MRPS9: variants seen among roughly 807,000 people sequenced by gnomAD.
MRPS9 encodes the protein small ribosomal subunit protein uS9m.
MRPS9 carries 45 observed loss-of-function variants against 59.9 expected under a neutral mutation model. The ratio of observed to expected loss-of-function variants is 0.75; its 90% CI spans 0.59 to 0.96. The LOEUF is 0.96. Ranked by LOEUF, MRPS9 falls within the 40% of genes least tolerant of loss-of-function variation. MRPS9 has a pLI of 0.00. For missense variants in MRPS9, 473 were observed against 481.1 expected, an observed-to-expected ratio of 0.98 and a Z score of 0.16; for synonymous variants, 171 against 166.8, an observed-to-expected ratio of 1.03 and a Z score of -0.19.
rs762478746 is a variant in MRPS9 at position 105,089,951 on chromosome 2, G to A, written c.607G>A (p.Glu203Lys). The A allele has an allele frequency of 2.5e-6, 4 of 1,610,836 alleles. No homozygotes were observed. Among genetic ancestry groups the A allele is most frequent in the South Asian group, 1.1e-5 (1 of 90,578 alleles). Residue 203 changes from glutamate (E) to lysine (K), a missense_variant, in exon 7 of 11, where the codon GAG becomes AAG. Coordinates refer to ENST00000258455, the MANE Select transcript of MRPS9 (RefSeq NM_182640.3). The stretch of plus-strand genomic sequence containing the variant: ...GATTGGCAGCAGATGGCTGATTAAG[G>A]AGGAACTAGAAGAAATGTTAGTGGA... ...DVIGSRWLIKEELEEMLVEKL... is the reference protein window; with the variant it reads ...DVIGSRWLIKKELEEMLVEKL...
intron 1 of MRPS9, chr2:105,038,467 T>A: frequency 1.9e-6 from 1 of 520,352 alleles, no homozygotes; most frequent in South Asian, 2.1e-5. Flanking sequence ...AAGGTAGAAG[T>A]GGAGCGACCT....
At chr2:105,083,175 G>C (rs1355207086) in intron 5 of MRPS9, among the ~76,000 whole-genome samples, 1 of 152,204 alleles carries the variant, frequency 6.6e-6, no homozygotes, top group Non-Finnish European at 1.5e-5. Flanking sequence ...TGAAACAATT[G>C]AGCAAAGGTG....
intron 1 of MRPS9, among the ~76,000 whole-genome samples, chr2:105,040,537 A>G (rs1679483251): frequency 6.6e-6 from 1 of 152,222 alleles, no homozygotes; most frequent in African/African-American, 2.4e-5. Context: ...ACACTGTTAC[A>G]ATAAGGAAAA....
intron 2 of MRPS9, among the ~76,000 whole-genome samples, chr2:105,067,354 G>A (rs762442799): frequency 6.6e-6 from 1 of 152,102 alleles, no homozygotes; most frequent in Non-Finnish European, 1.5e-5. Context: ...GACTTAGAAT[G>A]TATAAAGGAT....
chr2:105,042,667 TAAAC>T (rs1408795529), intron 1 of MRPS9, among the ~76,000 whole-genome samples: 3 of 152,240 alleles, frequency 2.0e-5, no homozygotes, highest in South Asian at 4.1e-4. Context: ...ATTATTAGCT[TAAAC>T]AAAACTGCAT....
chr2:105,046,395 T>G (rs749137024), intron 1 of MRPS9, among the ~76,000 whole-genome samples: 12 of 151,990 alleles, frequency 7.9e-5, no homozygotes, highest in African/African-American at 1.2e-4. Flanking sequence ...GTAGAAGACA[T>G]GTTTTTTGTC....
At chr2:105,065,359 G>C (rs893446411) in intron 2 of MRPS9, among the ~76,000 whole-genome samples, 1 of 152,160 alleles carries the variant, frequency 6.6e-6, no homozygotes, top group African/African-American at 2.4e-5. Flanking sequence ...ATTTACTTCA[G>C]TGTAAGCTAC....
chr2:105,091,076 A>AT (rs35752713), intron 7 of MRPS9, among the ~76,000 whole-genome samples: 45 of 151,434 alleles, frequency 3.0e-4, no homozygotes, highest in African/African-American at 8.3e-4. Flanking sequence ...GGCTGCTTTG[A>AT]TTTTTTTTTA....
intron 2 of MRPS9, among the ~76,000 whole-genome samples, chr2:105,051,826 TA>T (rs1411862754): frequency 6.6e-6 from 1 of 152,178 alleles, no homozygotes; most frequent in Non-Finnish European, 1.5e-5. Flanking sequence ...TATTTTATAA[TA>T]TTTTTGGGTT....
intron 5 of MRPS9, among the ~76,000 whole-genome samples, chr2:105,081,532 T>A (rs552126134): frequency 6.6e-6 from 1 of 152,338 alleles, no homozygotes; most frequent in African/African-American, 2.4e-5. Context: ...CATTTGCATT[T>A]GTTTTGGCTG....
At chr2:105,049,128 GTTTAA>G (rs768240389) in intron 1 of MRPS9, 38 bp from the exon 2 acceptor site, 15 of 1,299,134 alleles carry the variant, frequency 1.2e-5, no homozygotes, top group South Asian at 5.3e-5. Context: ...GAAGATCACA[GTTTAA>G]TTTATTTTCT....
chr2:105,071,379 G>A lies in MRPS9; in HGVS notation c.378+4G>A, dbSNP rs773766152. ...ACGAGCCAGGCCAGTAATGAAGGTA[G>A]TTATCTTAATTACTATTTTAAAAAT... On this transcript the variant is annotated splice_donor_region_variant and intron_variant, in intron 3 of 10. Transcript: ENST00000258455. The A allele has an allele frequency of 6.2e-7, 1 of 1,605,942 alleles. No individual in the cohort carries two copies. The highest frequency in any genetic ancestry group is 1.7e-5 in the Admixed American group (1 of 59,950).
At chr2:105,085,503 A>G (rs368124732) in intron 5 of MRPS9, among the ~76,000 whole-genome samples, 5 of 152,118 alleles carry the variant, frequency 3.3e-5, no homozygotes, top group African/African-American at 7.2e-5. Context: ...CTAAAATTGG[A>G]ATTTCCACAT....
chr2:105,067,600 T>A (rs1311581004), intron 2 of MRPS9, among the ~76,000 whole-genome samples: 3 of 152,206 alleles, frequency 2.0e-5, no homozygotes, highest in Admixed American at 6.5e-5. Context: ...GCTTTAGCAT[T>A]TGTTGGTGAT....
chr2:105,038,259 C>T, intron 1 of MRPS9, 32 bp downstream of exon 1: 2 of 1,593,144 alleles, frequency 1.3e-6, no homozygotes, highest in Non-Finnish European at 1.7e-6. Context: ...AGCGGCTTAC[C>T]TCTGCCGCGC....
intron 2 of MRPS9, among the ~76,000 whole-genome samples, chr2:105,059,543 A>G (rs967595305): frequency 2.0e-5 from 3 of 152,238 alleles, no homozygotes; most frequent in South Asian, 4.1e-4. Flanking sequence ...CTGAGTCCCA[A>G]TTGATACATA....
chr2:105,091,296 G>T (rs1316488854), intron 7 of MRPS9: 2 of 471,104 alleles, frequency 4.2e-6, no homozygotes, highest in Non-Finnish European at 8.8e-6. Flanking sequence ...GCAAGGCTGA[G>T]TTCCACCCAT....
chr2:105,092,407 C>T lies in MRPS9; in HGVS notation c.658C>T (p.Gln220Ter). The T allele has an allele frequency of 6.2e-7, 1 of 1,609,394 alleles. No homozygotes were observed. Among genetic ancestry groups the T allele is most frequent in the Non-Finnish European group, 8.5e-7 (1 of 1,178,666 alleles). ...VEKLSDLDYM[Q>*]FIRLLEKLLT... Reference sequence around the variant, plus strand: ...GAATTTTTATTGTCTGCAGTATATGCAGTTCATTCGGCTGCTAGAAAAGTT... The same window carrying T: ...GAATTTTTATTGTCTGCAGTATATGTAGTTCATTCGGCTGCTAGAAAAGTT... Residue 220 changes from glutamine to a stop codon, truncating the protein, a stop_gained, in exon 8 of 11, where the codon CAG (glutamine) becomes TAG (stop). Transcript: ENST00000258455. LOFTEE classifies it high-confidence loss of function.
At chr2:105,086,901 T>A (rs917611448) in intron 5 of MRPS9, among the ~76,000 whole-genome samples, 10 of 152,274 alleles carry the variant, frequency 6.6e-5, no homozygotes, top group African/African-American at 2.4e-4. Flanking sequence ...GTCCATTTCG[T>A]ATAAGTGGGG....
Sources: gnomAD v4.1 joint callset for allele counts (sites outside exome capture counted in the v4.1 genomes callset) on GRCh38, gnomAD v4.1.1 for gene constraint, MANE v1.5 for transcripts, NCBI Gene and HGNC (gene_info 2026-07-23, HGNC 2026-07-21) for gene names.